Variants in CNGB3 observed in about 807,000 individuals in gnomAD.
CNGB3 encodes the protein cyclic nucleotide gated channel subunit beta 3.
Under a neutral mutation model 92.8 loss-of-function variants are expected in CNGB3, and 86 were observed. The observed-to-expected ratio is 0.93, with a 90% CI of 0.78 to 1.11. CNGB3 has a LOEUF of 1.11. Among genes scored for constraint, CNGB3 ranks in the 50% least tolerant of loss-of-function variants. The pLI is 0.00. For missense variants in CNGB3, 1,026 were observed against 956.8 expected, an observed-to-expected ratio of 1.07 and a Z score of -0.95; for synonymous variants, 333 against 332.7, an observed-to-expected ratio of 1.00 and a Z score of -0.01.
At chr8:86,626,949 C>T (rs2131581139) in intron 12 of CNGB3, among the ~76,000 whole-genome samples, 1 of 151,910 alleles carries the variant, frequency 6.6e-6, no homozygotes, top group African/African-American at 2.4e-5. Flanking sequence ...ATTTCATCAC[C>T]CAGGTATTAA....
intron 3 of CNGB3, among the ~76,000 whole-genome samples, chr8:86,685,972 TGTAAA>T (rs1047727000): frequency 1.0e-4 from 8 of 76,400 alleles, no homozygotes; most frequent in Non-Finnish European, 1.6e-4. Flanking sequence ...TTTGCATATA[TGTAAA>T]GTAAACTAAT....
At chr8:86,742,757 AT>A (rs1171043923) in intron 1 of CNGB3, among the ~76,000 whole-genome samples, 3 of 152,168 alleles carry the variant, frequency 2.0e-5, no homozygotes, top group Non-Finnish European at 4.4e-5. Flanking sequence ...ATTCTTATTA[AT>A]AATAATAATA....
chr8:86,630,778 G>A (rs771106353), intron 11 of CNGB3, among the ~76,000 whole-genome samples: 1 of 152,154 alleles, frequency 6.6e-6, no homozygotes, highest in African/African-American at 2.4e-5. Context: ...GGAAGCTGAG[G>A]TGAGAGGATT....
At chr8:86,658,216 T>C in intron 6 of CNGB3, 1 of 562,316 alleles carries the variant, frequency 1.8e-6, no homozygotes, top group Non-Finnish European at 3.3e-6. Context: ...CTTTGCTCCT[T>C]CAGCTGCCCA....
At chr8:86,591,443 G>A (rs1217339557) in intron 15 of CNGB3, among the ~76,000 whole-genome samples, 11 of 151,256 alleles carry the variant, frequency 7.3e-5, no homozygotes, top group Non-Finnish European at 1.6e-4. Flanking sequence ...CAGTTTTTCT[G>A]TTCTGTTTTT....
chr8:86,582,586 G>C (rs988469036), intron 15 of CNGB3, among the ~76,000 whole-genome samples: 6 of 152,090 alleles, frequency 3.9e-5, no homozygotes, highest in African/African-American at 1.4e-4. Flanking sequence ...GAATCCAGAG[G>C]GGGGAAGTAC....
intron 10 of CNGB3, among the ~76,000 whole-genome samples, chr8:86,639,586 A>G (rs1442565205): frequency 2.0e-5 from 3 of 152,104 alleles, no homozygotes; most frequent in Non-Finnish European, 4.4e-5. Flanking sequence ...TTCAATTTAT[A>G]GGTCACCAGG....
chr8:86,688,562 T>C (rs902478703), intron 3 of CNGB3, among the ~76,000 whole-genome samples: 11 of 152,142 alleles, frequency 7.2e-5, no homozygotes, highest in South Asian at 4.1e-4. Flanking sequence ...AGTTTCTTTC[T>C]GGAATTTATC....
chr8:86,705,102 T>C (rs1824628646), intron 3 of CNGB3, among the ~76,000 whole-genome samples: 1 of 152,150 alleles, frequency 6.6e-6, no homozygotes, highest in Non-Finnish European at 1.5e-5. Flanking sequence ...CCTCCCAAAA[T>C]ACATCTTGGG....
intron 13 of CNGB3, among the ~76,000 whole-genome samples, chr8:86,614,776 G>A (rs747779825): frequency 6.6e-6 from 1 of 152,140 alleles, no homozygotes; most frequent in Non-Finnish European, 1.5e-5. Flanking sequence ...GCATGAGGTT[G>A]CCAACCGGGA....
At chr8:86,655,134 C>G (rs1823479485) in intron 6 of CNGB3, among the ~76,000 whole-genome samples, 1 of 152,152 alleles carries the variant, frequency 6.6e-6, no homozygotes, top group South Asian at 2.1e-4. Flanking sequence ...TCCCTCAGCC[C>G]TGATACAACC....
chr8:86,663,704 T>C (rs1009178144), intron 6 of CNGB3, among the ~76,000 whole-genome samples: 6 of 152,228 alleles, frequency 3.9e-5, no homozygotes, highest in Admixed American at 3.3e-4. Context: ...GGGTACTCAA[T>C]GTGCATAGTC....
intron 1 of CNGB3, among the ~76,000 whole-genome samples, chr8:86,741,692 T>C (rs925275591): frequency 3.3e-5 from 5 of 151,788 alleles, no homozygotes; most frequent in African/African-American, 1.2e-4. Flanking sequence ...AAAAATCTAA[T>C]GTGATGCCAG....
chr8:86,604,983 G>A (rs565379268), intron 14 of CNGB3, among the ~76,000 whole-genome samples: 8 of 152,062 alleles, frequency 5.3e-5, no homozygotes, highest in East Asian at 1.9e-4. Context: ...AGCTATATGC[G>A]CCATTTAAGA....
At chr8:86,671,401 C>A (rs113892053) in intron 3 of CNGB3, among the ~76,000 whole-genome samples, 17 of 152,240 alleles carry the variant, frequency 1.1e-4, no homozygotes, top group African/African-American at 4.1e-4. Context: ...GATGGTGGGG[C>A]AGGCAGAAGC....
rs756017029 is a variant in CNGB3 at position 86,626,053 on chromosome 8, G to T, written c.1508C>A (p.Pro503Gln). Residue 503 changes from proline to glutamine, a missense_variant, in exon 13 of 18, where the codon CCA (proline) becomes CAA (glutamine). Transcript: ENST00000320005. ...LDESDLLKTL[P>Q]TTVQLALAID... ...GGCGAGGGCTAACTGGACCGTAGTT[G>T]GTAGGGTCTTAAGCAAATCAGACTC... 8 of 1,613,416 alleles carry T rather than the reference G, an allele frequency of 5.0e-6. No individual in the cohort carries two copies. In the Admixed American group the frequency reaches 5.0e-5, roughly 10 times the overall value.
At chr8:86,726,109 T>A (rs539817652) in intron 3 of CNGB3, among the ~76,000 whole-genome samples, 27 of 152,344 alleles carry the variant, frequency 1.8e-4, no homozygotes, top group African/African-American at 6.3e-4. Context: ...CTTTAGTGGA[T>A]AAAAGGAAAT....
intron 2 of CNGB3, among the ~76,000 whole-genome samples, chr8:86,731,241 G>T (rs1296292287): frequency 1.3e-5 from 2 of 152,132 alleles, no homozygotes; most frequent in Non-Finnish European, 2.9e-5. Context: ...GGTAGTGAAG[G>T]CTCTGTTGGC....
chr8:86,701,069 A>G (rs1317683035), intron 3 of CNGB3, among the ~76,000 whole-genome samples: 1 of 152,242 alleles, frequency 6.6e-6, no homozygotes, highest in Admixed American at 6.5e-5. Context: ...CTGCCTCCGC[A>G]GCCTAGAACA....
Sources: gnomAD v4.1 joint callset for allele counts (sites outside exome capture counted in the v4.1 genomes callset) on GRCh38, gnomAD v4.1.1 for gene constraint, MANE v1.5 for transcripts, NCBI Gene and HGNC (gene_info 2026-07-23, HGNC 2026-07-21) for gene names.